Variants in MUC7 observed in about 807,000 individuals in gnomAD.
MUC7 encodes mucin 7, secreted, also known as mucin-7.
A neutral mutation model predicts 2.5 loss-of-function variants in MUC7; 2 were observed. The observed-to-expected ratio is 0.81, with a 90% CI of 0.33 to 2.55. MUC7 has a LOEUF of 2.55. Ranked by LOEUF, MUC7 falls within the 30% of genes most tolerant of loss-of-function variation. The pLI is 0.11. For missense variants in MUC7, 408 were observed against 455.6 expected (o/e 0.90, Z 0.95); for synonymous variants, 133 against 173.4 (o/e 0.77, Z 1.83).
intron 1 of MUC7, among the ~76,000 whole-genome samples, chr4:70,464,216 C>A (rs1734625153): frequency 6.6e-6 from 1 of 152,138 alleles, no homozygotes; most frequent in Non-Finnish European, 1.5e-5. Context: ...GCATTCTGGC[C>A]CAGATACTAT....
At chr4:70,470,555 T>C (rs966716226), upstream of MUC7, among the ~76,000 whole-genome samples, 1 of 152,142 alleles carries the variant, frequency 6.6e-6, no homozygotes, top group African/African-American at 2.4e-5. Flanking sequence ...CAGGCATTAT[T>C]TAGGACTGAG....
intron 1 of MUC7, among the ~76,000 whole-genome samples, chr4:70,434,893 T>A (rs757428694): frequency 6.6e-6 from 1 of 152,234 alleles, no homozygotes; most frequent in Non-Finnish European, 1.5e-5. Flanking sequence ...TTCGAGAGAT[T>A]CTGGTATGTT....
At chr4:70,446,244 C>A (rs998555637) in intron 1 of MUC7, among the ~76,000 whole-genome samples, 2 of 152,108 alleles carry the variant, frequency 1.3e-5, no homozygotes, top group Admixed American at 1.3e-4. Context: ...GCATTCAAGA[C>A]CTCAAGGGGA....
chr4:70,449,911 A>G (rs1734238801), intron 1 of MUC7, among the ~76,000 whole-genome samples: 1 of 152,216 alleles, frequency 6.6e-6, no homozygotes, highest in East Asian at 1.9e-4. Flanking sequence ...AAGCAAGCAC[A>G]GCTCTGGGTC....
chr4:70,434,778 A>T (rs1464980956), intron 1 of MUC7, among the ~76,000 whole-genome samples: 5 of 152,008 alleles, frequency 3.3e-5, no homozygotes, highest in African/African-American at 1.2e-4. Flanking sequence ...TTGCTTCTCT[A>T]GTTCTTTTAA....
At chr4:70,452,498 T>G (rs6857223) in intron 1 of MUC7, among the ~76,000 whole-genome samples, 85 of 152,026 alleles carry the variant, frequency 5.6e-4, no homozygotes, top group African/African-American at 1.9e-3. Flanking sequence ...TGATGACAAC[T>G]TAACCCTGAT....
chr4:70,470,751 A>G (rs190952784), upstream of MUC7, among the ~76,000 whole-genome samples: 143 of 152,344 alleles, frequency 9.4e-4, no homozygotes, highest in Admixed American at 4.6e-3. Flanking sequence ...TTGTAAATGC[A>G]TATCACTAGT....
intron 2 of MUC7, among the ~76,000 whole-genome samples, chr4:70,480,420 G>A (rs1269789787): frequency 6.6e-6 from 1 of 152,198 alleles, no homozygotes; most frequent in African/African-American, 2.4e-5. Context: ...TTTGACTAAA[G>A]TTTTGTGAAC....
chr4:70,478,962 C>T (rs1408111666), intron 2 of MUC7, among the ~76,000 whole-genome samples: 1 of 152,172 alleles, frequency 6.6e-6, no homozygotes, highest in East Asian at 1.9e-4. Context: ...TGGTTGTTCT[C>T]AGTTGTGAAT....
At chr4:70,479,393 T>C (rs1735103821) in intron 2 of MUC7, among the ~76,000 whole-genome samples, 1 of 152,216 alleles carries the variant, frequency 6.6e-6, no homozygotes, top group Non-Finnish European at 1.5e-5. Flanking sequence ...GTTAAACAAC[T>C]CAGCTAGTCT....
At chr4:70,468,024 C>T (rs1450708854), upstream of MUC7, among the ~76,000 whole-genome samples, 1 of 152,222 alleles carries the variant, frequency 6.6e-6, no homozygotes, top group East Asian at 1.9e-4. Context: ...TACTGGCAAA[C>T]TGAATCTAGC....
intron 2 of MUC7, among the ~76,000 whole-genome samples, chr4:70,476,615 C>A (rs544325335): frequency 6.6e-6 from 1 of 152,008 alleles, no homozygotes; most frequent in Non-Finnish European, 1.5e-5. Context: ...GGTGAAACAT[C>A]GTCTCTACTA....
chr4:70,436,860 G>C (rs1375240948), intron 1 of MUC7, among the ~76,000 whole-genome samples: 2 of 152,042 alleles, frequency 1.3e-5, no homozygotes. Context: ...CTTTGATGTT[G>C]ATGACCTACA....
chr4:70,435,243 T>A (rs970571134), intron 1 of MUC7, among the ~76,000 whole-genome samples: 1 of 152,206 alleles, frequency 6.6e-6, no homozygotes, highest in African/African-American at 2.4e-5. Context: ...CAGAGCTGAG[T>A]TCAAGTCCTG....
intron 1 of MUC7, among the ~76,000 whole-genome samples, chr4:70,460,859 G>A (rs6845006): frequency 0.095 from 14,529 of 152,188 alleles, 910 homozygotes; most frequent in African/African-American, 0.17. Flanking sequence ...TCTCACAACG[G>A]CACCCTACTG....
At chr4:70,471,764 C>T (rs1345060048), upstream of MUC7, among the ~76,000 whole-genome samples, 2 of 152,090 alleles carry the variant, frequency 1.3e-5, no homozygotes, top group African/African-American at 4.8e-5. Context: ...CTTGGCACCA[C>T]AGTATTTTTT....
At chr4:70,469,008 A>ACTACAAGG (rs372634185), upstream of MUC7, among the ~76,000 whole-genome samples, 486 of 152,308 alleles carry the variant, frequency 3.2e-3, 4 homozygotes, top group African/African-American at 0.011. Context: ...TTTAAACTAT[A>ACTACAAGG]CTACAAGGCT....
chr4:70,430,879 A>G (rs1733640547), intron 1 of MUC7, among the ~76,000 whole-genome samples: 1 of 152,156 alleles, frequency 6.6e-6, no homozygotes, highest in African/African-American at 2.4e-5. Flanking sequence ...TAACAGTATG[A>G]CAAAAAATTC....
intron 1 of MUC7, among the ~76,000 whole-genome samples, chr4:70,445,811 A>G (rs1328107959): frequency 3.3e-5 from 5 of 152,236 alleles, no homozygotes; most frequent in African/African-American, 7.2e-5. Context: ...ATATTCCAGC[A>G]ATCTGACTCA....
Sources: gnomAD v4.1 joint callset for allele counts (sites outside exome capture counted in the v4.1 genomes callset) on GRCh38, gnomAD v4.1.1 for gene constraint, MANE v1.5 for transcripts, NCBI Gene and HGNC (gene_info 2026-07-23, HGNC 2026-07-21) for gene names.